Variants in ZNF646 observed in about 807,000 individuals in gnomAD.
ZNF646 encodes zinc finger protein 646.
Under a neutral mutation model 115.4 loss-of-function variants are expected in ZNF646, and 49 were observed. The ratio of observed to expected loss-of-function variants is 0.42; its 90% CI spans 0.34 to 0.54. The LOEUF (loss-of-function observed/expected upper bound fraction) is 0.54, where lower values mean the gene tolerates loss of function less well. ZNF646 is among the 20% of genes least tolerant of loss of function. ZNF646 has a pLI of 0.04. For synonymous variants in ZNF646, 933 were observed against 939.0 expected, an observed-to-expected ratio of 0.99 and a Z score of 0.12; for missense variants, 2,269 against 2,457.9, an observed-to-expected ratio of 0.92 and a Z score of 1.62.
chr16:31,081,565 G>A lies in ZNF646; in HGVS notation c.5241G>A (p.Leu1747=). 1 of 1,613,588 alleles carries A rather than the reference G, an allele frequency of 6.2e-7. No individual in the cohort carries two copies. The highest frequency in any genetic ancestry group is 8.5e-7 in the Non-Finnish European group (1 of 1,179,984). Reference sequence around the variant, plus strand: ...AGGCCTTTCGGACAGCTGCCCGGCTGGAGGGCCACGGGCGGGTCCATGCAC... The same window carrying A: ...AGGCCTTTCGGACAGCTGCCCGGCTAGAGGGCCACGGGCGGGTCCATGCAC... ...CGKAFRTAAR[L]EGHGRVHAPR... Residue 1747 remains leucine, a synonymous_variant, in exon 2 of 3, where the codon CTG becomes CTA. Transcript: ENST00000300850.
At position 31,082,982 on chromosome 16, in the gene ZNF646, G is replaced by A. The variant is rs1338844752; in HGVS notation, c.5389G>A (p.Ala1797Thr). ...CTCTCTCCCCCCAGGAGCCCCAGTG[G>A]CACCAGTGACGGGCAGAGGGGACTT... is the stretch of plus-strand genomic sequence containing the variant. ...WTVAGSGAPV[A>T]PVTGRGDLPL... Residue 1797 changes from alanine (A) to threonine (T), a missense_variant, in exon 3 of 3, where the codon GCA becomes ACA. Physicochemically the swap from Ala to Thr is moderately conservative, Grantham distance 58 (BLOSUM62 0). This residue lies in a region of ZNF646 where 1,062 missense variants were observed against 1,172.8 expected (regional missense o/e 0.91). Transcript: ENST00000300850. The A allele has an allele frequency of 6.3e-7, 1 of 1,597,342 alleles. No homozygotes were observed.
At position 31,083,131 on chromosome 16, in the gene ZNF646, C is replaced by T. The variant is rs1258116712; in HGVS notation, c.*39C>T. ...AAAGATCAGAATCTGGGGGAGGGAG[C>T]GCGTGCAGGGAGGGGCTTGATCTCC... is the stretch of plus-strand genomic sequence containing the variant. On this transcript the variant is annotated 3_prime_UTR_variant, in exon 3 of 3. Coordinates refer to ENST00000300850, the MANE Select transcript of ZNF646 (RefSeq NM_014699.4). The T allele has an allele frequency of 2.5e-5, 39 of 1,587,608 alleles. 1 individual carries two copies. Among genetic ancestry groups the T allele is most frequent in the South Asian group, 1.0e-4 (9 of 88,066 alleles).
At position 31,078,347 on chromosome 16, in the gene ZNF646, C is replaced by T. The variant is rs146579719; in HGVS notation, c.2023C>T (p.Arg675Trp). The change falls in exon 2 of 3, where the codon CGG becomes TGG. Residue 675 changes from arginine to tryptophan, a missense_variant. Coordinates refer to ENST00000300850, the MANE Select transcript of ZNF646 (RefSeq NM_014699.4). ...CAGTCGGCGGCGGAGCAGGCGGCAT[C>T]GGAAGCGGGCTGGCGGTGCCAGCGG... The part of the protein sequence containing the change: ...RHSRRRSRRH[R>W]KRAGGASGGR... 38 of 1,613,054 alleles carry T rather than the reference C, an allele frequency of 2.4e-5. No individual in the cohort carries two copies. Among genetic ancestry groups the T allele is most frequent in the South Asian group, 7.7e-5 (7 of 91,060 alleles).
rs1272359522 is a variant in ZNF646, at chr16:31,083,449, C to G, written c.*357C>G. 4 of 1,302,668 alleles carry G rather than the reference C, an allele frequency of 3.1e-6. No homozygotes were observed. The highest frequency in any genetic ancestry group is 3.9e-6 in the Non-Finnish European group (4 of 1,013,944). The allele number at this position is 1,302,668 out of a possible 1,614,324, so 80.7% of individuals were successfully genotyped here. ...TTATTTTCTAAAGTCTATTTTGTAA[C>G]AATTTATTTAAGTTTAAAAAAAGGA... On this transcript the variant is annotated 3_prime_UTR_variant, in exon 3 of 3. Transcript: ENST00000300850.
Position 31,083,522 on chromosome 16 carries a change from C to G in ZNF646, c.*430C>G, listed in dbSNP as rs1392807619. ...GAAATTTTCAAAACAACGTGGCTGG[C>G]GTGATTGTATCTGAAAGGGTAAAGG... On this transcript the variant is annotated 3_prime_UTR_variant, in exon 3 of 3. Transcript: ENST00000300850. 1 of 1,370,838 alleles carries G rather than the reference C, an allele frequency of 7.3e-7. No individual in the cohort carries two copies. The highest frequency in any genetic ancestry group is 9.4e-7 in the Non-Finnish European group (1 of 1,059,040). 84.9% of individuals were successfully genotyped at this position (1,370,838 alleles called of 1,614,324 possible). A position where few individuals can be genotyped will look rare whatever the true frequency, so the allele number is the denominator to read the frequency against.
Position 31,076,343 on chromosome 16 carries a change from T to G in ZNF646, c.19T>G (p.Ser7Ala), listed in dbSNP as rs746164998. 6.2e-7 allele frequency: 1 copy of G among 1,611,140 alleles called. No homozygotes were observed. Among genetic ancestry groups the G allele is most frequent in the Non-Finnish European group, 8.5e-7 (1 of 1,178,222 alleles). ...TTGCCCCATGGAGGACACACCCCCC[T>G]CACTCAGCTGCTCCGACTGTCAGCG... The part of the protein sequence containing the change: MEDTPP[S>A]LSCSDCQRHF... Residue 7 changes from serine (S) to alanine (A), a missense_variant, in exon 2 of 3, where the codon TCA (serine) becomes GCA (alanine). Physicochemically the swap from Ser to Ala is moderately conservative, Grantham distance 99. Transcript: ENST00000300850.
In ZNF646 at chr16:31,081,575, G is replaced by A. The variant is rs761291603; in HGVS notation, c.5251G>A (p.Gly1751Arg). 52 of 1,613,286 alleles carry A rather than the reference G, an allele frequency of 3.2e-5. No homozygotes were observed. The highest frequency in any genetic ancestry group is 8.3e-5 in the Admixed American group (5 of 59,996). ...FRTAARLEGHGRVHAPREGPF... is the reference protein window; with the variant it reads ...FRTAARLEGHRRVHAPREGPF... ...GACAGCTGCCCGGCTGGAGGGCCAC[G>A]GGCGGGTCCATGCACCCCGGGAGGG... The change falls in exon 2 of 3, where the codon GGG (glycine) becomes AGG (arginine). Residue 1751 changes from glycine (G) to arginine (R), a missense_variant. Gly to Arg is a moderately radical substitution (Grantham distance 125, BLOSUM62 -2). Transcript: ENST00000300850.
In ZNF646 at chr16:31,079,656, T is replaced by C; in HGVS notation, c.3332T>C (p.Val1111Ala). The change falls in exon 2 of 3, where the codon GTT becomes GCT. Residue 1111 changes from valine (V) to alanine (A), a missense_variant. Physicochemically the swap from Val to Ala is moderately conservative, Grantham distance 64 (BLOSUM62 0). This residue lies in a region of ZNF646 where 1,062 missense variants were observed against 1,172.8 expected (regional missense o/e 0.91). Transcript: ENST00000300850. This position sits in a 1 kb window ranked among gnomAD's most constrained non-coding sequence, Gnocchi z 5.5. ...HPRCKGSEPQ[V>A]GPIPEAAGSS... Reference sequence around the variant, plus strand: ...CGCTGCAAAGGCTCTGAGCCCCAGGTTGGGCCCATCCCAGAGGCAGCAGGT... The same window carrying C: ...CGCTGCAAAGGCTCTGAGCCCCAGGCTGGGCCCATCCCAGAGGCAGCAGGT... 6.2e-7 allele frequency: 1 copy of C among 1,613,334 alleles called. No homozygotes were observed. Among genetic ancestry groups the C allele is most frequent in the South Asian group, 1.1e-5 (1 of 91,060 alleles).
At position 31,083,583 on chromosome 16, in the gene ZNF646, T is replaced by G; in HGVS notation, c.*491T>G. ...CTGAGACGCCTGCTTGGTAGCAGAG[T>G]TGGGTGTGGGAGTGTCCACAGACAC... On this transcript the variant is annotated 3_prime_UTR_variant, in exon 3 of 3. Coordinates refer to ENST00000300850, the MANE Select transcript of ZNF646 (RefSeq NM_014699.4). The G allele has an allele frequency of 6.9e-7, 1 of 1,441,822 alleles. No individual in the cohort carries two copies. The highest frequency in any genetic ancestry group is 9.2e-7 in the Non-Finnish European group (1 of 1,092,758). The allele number at this position is 1,441,822 out of a possible 1,614,324, so 89.3% of individuals were successfully genotyped here.
intron 2 of ZNF646, chr16:31,082,123 T>C (rs774837761): frequency 8.6e-5 from 23 of 266,790 alleles, no homozygotes; most frequent in South Asian, 1.6e-4. Context: ...TTCCATTCTT[T>C]CCTGGAGCAG....
At position 31,084,020 on chromosome 16, in the gene ZNF646, A is replaced by T; in HGVS notation, c.*928A>T. On this transcript the variant is annotated 3_prime_UTR_variant, in exon 3 of 3. Transcript: ENST00000300850. ...ATGGGTCTGCCTGTTGCTCCACCCT[A>T]CCCAAGGCAGCTGGAGTGGGTTAGA... is the stretch of plus-strand genomic sequence containing the variant. 1 of 1,503,238 alleles carries T rather than the reference A, an allele frequency of 6.7e-7. No homozygotes were observed. Among genetic ancestry groups the T allele is most frequent in the Non-Finnish European group, 8.9e-7 (1 of 1,121,882 alleles). The allele number at this position is 1,503,238 out of a possible 1,614,324, so 93.1% of individuals were successfully genotyped here. A position where few individuals can be genotyped will look rare whatever the true frequency, so the allele number is the denominator to read the frequency against.
Position 31,084,112 on chromosome 16 carries a change from C to G in ZNF646, c.*1020C>G, listed in dbSNP as rs572932075. 1 of 1,568,066 alleles carries G rather than the reference C, an allele frequency of 6.4e-7. No homozygotes were observed. The highest frequency in any genetic ancestry group is 1.9e-5 in the Admixed American group (1 of 52,986). The stretch of plus-strand genomic sequence containing the variant: ...AGGGTTTGGCAGGAGGCCCCGGGGC[C>G]ACATACTTATGTTGGCCAGGCAGCT... On this transcript the variant is annotated 3_prime_UTR_variant, in exon 3 of 3. Transcript: ENST00000300850.
At chr16:31,082,094 G>A (rs1351807480) in intron 2 of ZNF646, 6 of 353,328 alleles carry the variant, frequency 1.7e-5, no homozygotes, top group South Asian at 2.4e-4. Context: ...AAAAGAGGAA[G>A]CCATTGGTTT....
At position 31,076,273 on chromosome 16, in the gene ZNF646, G is replaced by T; in HGVS notation, c.-52G>T. On this transcript the variant is annotated 5_prime_UTR_variant, in exon 2 of 3. Coordinates refer to ENST00000300850, the MANE Select transcript of ZNF646 (RefSeq NM_014699.4). ...CTTGGCCCCTCCACCAGAGGAAGGT[G>T]CTGCCACGTGTCTGCTCCTTCTGAA... 6.4e-7 allele frequency: 1 copy of T among 1,551,072 alleles called. No homozygotes were observed. The highest frequency in any genetic ancestry group is 1.9e-5 in the Admixed American group (1 of 53,416).
rs1406211815 is a variant in ZNF646, at chr16:31,078,259, T to C, written c.1935T>C (p.Ser645=). The stretch of plus-strand genomic sequence containing the variant: ...AGACCCACCAGACAGGAGACTTCAG[T>C]TGTGGGGCCTGTGCCAAGCACTTCC... The part of the protein sequence containing the change: ...HRQTHQTGDF[S]CGACAKHFHT... The change falls in exon 2 of 3, where the codon AGT becomes AGC. Residue 645 remains serine, a synonymous_variant. Coordinates refer to ENST00000300850, the MANE Select transcript of ZNF646 (RefSeq NM_014699.4). 1.9e-6 allele frequency: 3 copies of C among 1,613,756 alleles called. No individual in the cohort carries two copies. Among genetic ancestry groups the C allele is most frequent in the African/African-American group, 1.3e-5 (1 of 74,942 alleles).
At position 31,081,409 on chromosome 16, in the gene ZNF646, C is replaced by T. The variant is rs2057156442; in HGVS notation, c.5085C>T (p.His1695=). 6.2e-7 allele frequency: 1 copy of T among 1,611,862 alleles called. No homozygotes were observed. Among genetic ancestry groups the T allele is most frequent in the South Asian group, 1.1e-5 (1 of 91,056 alleles). The change falls in exon 2 of 3, where the codon CAC becomes CAT. Residue 1695 remains histidine (H), a synonymous_variant. Coordinates refer to ENST00000300850, the MANE Select transcript of ZNF646 (RefSeq NM_014699.4). ...GCCATGCTGGCAGCCTGCTGAACCA[C>T]CAGAAGGCCCACACCACAGGGTTGT... The part of the protein sequence containing the change: ...SYRHAGSLLN[H]QKAHTTGLYP...
chr16:31,083,774 A>G lies in ZNF646; in HGVS notation c.*682A>G, dbSNP rs3179595. On this transcript the variant is annotated 3_prime_UTR_variant, in exon 3 of 3. Coordinates refer to ENST00000300850, the MANE Select transcript of ZNF646 (RefSeq NM_014699.4). ...CTGCCTGCATTCTCTTGTCCTGAGA[A>G]TGGCCAGGTCCCCTGTCAGCAGCTG... 5 of 1,614,038 alleles carry G rather than the reference A, an allele frequency of 3.1e-6. No homozygotes were observed. Among genetic ancestry groups the G allele is most frequent in the East Asian group, 2.2e-5 (1 of 44,898 alleles).
rs1330004944 is a variant in ZNF646, at chr16:31,078,397, A to T, written c.2073A>T (p.Ala691=). Residue 691 remains alanine (A), a synonymous_variant, in exon 2 of 3, where the codon GCA becomes GCT. Coordinates refer to ENST00000300850, the MANE Select transcript of ZNF646 (RefSeq NM_014699.4). ...GTGGGAGAGAAGCCAAACTCCTGGCAGCGGAGAGCTGGACCCGGGAGCTAG... is the reference window on the plus strand; with the variant it reads ...GTGGGAGAGAAGCCAAACTCCTGGCTGCGGAGAGCTGGACCCGGGAGCTAG... ...ASGGREAKLL[A]AESWTRELED... 1.2e-6 allele frequency: 2 copies of T among 1,611,658 alleles called. No individual in the cohort carries two copies. The highest frequency in any genetic ancestry group is 1.7e-6 in the Non-Finnish European group (2 of 1,178,602).
rs745755540 is a variant in ZNF646 at position 31,081,557 on chromosome 16, G to A, written c.5233G>A (p.Ala1745Thr). The A allele has an allele frequency of 6.2e-7, 1 of 1,613,810 alleles. No individual in the cohort carries two copies. Among genetic ancestry groups the A allele is most frequent in the Admixed American group, 1.7e-5 (1 of 60,032 alleles). The change falls in exon 2 of 3, where the codon GCC becomes ACC. Residue 1745 changes from alanine (A) to threonine (T), a missense_variant. Around this residue, in one of 5 missense-constraint regions of ZNF646, gnomAD observed 1,062 missense variants for 1,172.8 expected, o/e 0.91. Coordinates refer to ENST00000300850, the MANE Select transcript of ZNF646 (RefSeq NM_014699.4). ...SICGKAFRTA[A>T]RLEGHGRVHA... ...CTGTGGCAAGGCCTTTCGGACAGCT[G>A]CCCGGCTGGAGGGCCACGGGCGGGT...
Sources: allele counts gnomAD v4.1 joint callset, GRCh38; gene constraint gnomAD v4.1.1; regional missense constraint gnomAD v4.1.1; non-coding constraint Gnocchi (gnomAD v3.1); transcripts MANE v1.5; gene names NCBI Gene and HGNC (gene_info 2026-07-23, HGNC 2026-07-21).